The following TEX30 variants were observed in gnomAD, a reference collection of about 807,000 sequenced individuals.
TEX30 encodes testis-expressed protein 30.
In TEX30, 14 loss-of-function variants were observed where a neutral mutation model predicts 23.8. That is an observed-to-expected ratio of 0.59 (90% CI 0.39 to 0.92). The LOEUF is 0.92. TEX30 is among the 40% of genes least tolerant of loss of function. TEX30 has a pLI of 0.00. For missense variants in TEX30, 246 were observed against 270.6 expected (o/e 0.91, Z 0.64); for synonymous variants, 78 against 90.2 (o/e 0.87, Z 0.76).
At chr13:102,772,851 C>T (rs942568140) in intron 1 of TEX30, among the ~76,000 whole-genome samples, 10 of 152,226 alleles carry the variant, frequency 6.6e-5, no homozygotes, top group African/African-American at 2.2e-4. Context: ...AGGCGTGAGC[C>T]ACCGTGCCAG....
chr13:102,771,726 T>C (rs1281760337), intron 1 of TEX30, among the ~76,000 whole-genome samples: 1 of 152,212 alleles, frequency 6.6e-6, no homozygotes, highest in Admixed American at 6.5e-5. Context: ...TTTTACTTTC[T>C]CAAGAGAATA....
At chr13:102,767,164 A>T in intron 5 of TEX30, 109 bp downstream of exon 5, 1 of 1,103,350 alleles carries the variant, frequency 9.1e-7, no homozygotes, top group Non-Finnish European at 1.3e-6. Context: ...AACTAGCATT[A>T]GTCAAATTAG....
chr13:102,772,414 T>C (rs985058939), intron 1 of TEX30, among the ~76,000 whole-genome samples: 46 of 151,928 alleles, frequency 3.0e-4, no homozygotes, highest in Non-Finnish European at 1.0e-4. Flanking sequence ...TCCCAAACCG[T>C]TGGGATCCCA....
At chr13:102,771,463 C>T (rs1056773518) in intron 1 of TEX30, among the ~76,000 whole-genome samples, 7 of 152,170 alleles carry the variant, frequency 4.6e-5, no homozygotes, top group African/African-American at 1.7e-4. Flanking sequence ...ACACACTCTT[C>T]CCCCAACCAC....
chr13:102,772,755 C>T (rs207474334), intron 1 of TEX30, among the ~76,000 whole-genome samples: 1 of 152,130 alleles, frequency 6.6e-6, no homozygotes, highest in Non-Finnish European at 1.5e-5. Flanking sequence ...TTAGTAGAGA[C>T]GGGGTTTCAC....
chr13:102,773,702 G>C lies in TEX30; in HGVS notation c.-81C>G, dbSNP rs944964072. The C allele has an allele frequency of 6.6e-6, 1 of 152,174 alleles. No homozygotes were observed. The highest frequency in any genetic ancestry group is 6.5e-5 in the Admixed American group (1 of 15,288). 9.4% of individuals were successfully genotyped at this position (152,174 alleles called of 1,614,324 possible). On this transcript the variant is annotated 5_prime_UTR_variant, in exon 1 of 6. Coordinates refer to ENST00000376032, the MANE Select transcript of TEX30 (RefSeq NM_138779.5). ...CTTACCCGGGAAGGCAAAAGTGGCC[G>C]CGGGCACCCAACCGCCGTCACTCCC...
Position 102,769,947 on chromosome 13 carries a change from C to G in TEX30, c.15+65G>C, listed in dbSNP as rs74112410. 2,698 of 1,314,990 alleles carry G rather than the reference C, an allele frequency of 2.1e-3. 43 individuals are homozygous for G. In the African/African-American group the frequency reaches 0.034, roughly 17 times the overall value. The allele number at this position is 1,314,990 out of a possible 1,614,324, so 81.5% of individuals were successfully genotyped here. A position where few individuals can be genotyped will look rare whatever the true frequency, so the allele number is the denominator to read the frequency against. On this transcript the variant is annotated intron_variant, in intron 2 of 5. Transcript: ENST00000376032. ...AGTTGAAAATAAAATTACTCTGAAGCCACATAATTACAAACAAACAAAAAA... is the reference window on the plus strand; with the variant it reads ...AGTTGAAAATAAAATTACTCTGAAGGCACATAATTACAAACAAACAAAAAA...
chr13:102,769,035 T>G (rs1877106866), intron 3 of TEX30, among the ~76,000 whole-genome samples: 1 of 152,178 alleles, frequency 6.6e-6, no homozygotes, highest in South Asian at 2.1e-4. Flanking sequence ...CAAAATGATG[T>G]GCTAAAGTTA....
At chr13:102,768,377 T>C in intron 3 of TEX30, 66 bp from the exon 4 acceptor site, 1 of 1,131,956 alleles carries the variant, frequency 8.8e-7, no homozygotes, top group South Asian at 1.4e-5. Flanking sequence ...GCAAGATATA[T>C]TGTTTCTCAT....
intron 2 of TEX30, chr13:102,769,802 ACAG>A: frequency 1.9e-6 from 1 of 526,340 alleles, no homozygotes; most frequent in East Asian, 3.2e-5. Flanking sequence ...TAGATAAGGC[ACAG>A]CAGATTAAGT....
chr13:102,767,497 A>G lies in TEX30; in HGVS notation c.299-19T>C, dbSNP rs756293224. On this transcript the variant is annotated intron_variant, in intron 4 of 5. Transcript: ENST00000376032. Reference sequence around the variant, plus strand: ...GAACGACCTAAAATCAATTAAAATTAAGTTCAGTTTGAAATATAAACTTTC... The same window carrying G: ...GAACGACCTAAAATCAATTAAAATTGAGTTCAGTTTGAAATATAAACTTTC... The G allele has an allele frequency of 6.2e-7, 1 of 1,611,356 alleles. No individual in the cohort carries two copies. The highest frequency in any genetic ancestry group is 1.3e-5 in the African/African-American group (1 of 74,896).
chr13:102,767,233 C>T, intron 5 of TEX30, 40 bp downstream of exon 5: 3 of 1,585,820 alleles, frequency 1.9e-6, no homozygotes, highest in Non-Finnish European at 2.6e-6. Context: ...GTCTGCCTTT[C>T]ATTCTCTTTC....
chr13:102,767,896 G>C, intron 4 of TEX30, among the ~76,000 whole-genome samples: 1 of 151,992 alleles, frequency 6.6e-6, no homozygotes, highest in East Asian at 1.9e-4. Flanking sequence ...CTGGGTGACA[G>C]AGCAAGACTC....
Position 102,769,552 on chromosome 13 carries a change from A to G in TEX30, c.16-11T>C. The stretch of plus-strand genomic sequence containing the variant: ...TATTTTTAATTTAACCTGGAATTCA[A>G]GAGAATAAAGGGATCAAAAATTACT... On this transcript the variant is annotated splice_polypyrimidine_tract_variant and intron_variant, in intron 2 of 5. Transcript: ENST00000376032. 1 of 1,519,100 alleles carries G rather than the reference A, an allele frequency of 6.6e-7. No homozygotes were observed. Among genetic ancestry groups the G allele is most frequent in the Non-Finnish European group, 9.0e-7 (1 of 1,111,824 alleles). The allele number at this position is 1,519,100 out of a possible 1,614,324, so 94.1% of individuals were successfully genotyped here.
chr13:102,769,945 A>G, intron 2 of TEX30, 67 bp downstream of exon 2: 1 of 1,306,422 alleles, frequency 7.7e-7, no homozygotes, highest in South Asian at 2.0e-5. Flanking sequence ...ATTACTCTGA[A>G]GCCACATAAT....
Position 102,769,476 on chromosome 13 carries a change from G to C in TEX30, c.81C>G (p.Ser27Arg), listed in dbSNP as rs747386728. The stretch of plus-strand genomic sequence containing the variant: ...GTGTAAGAATTATTCCATATGTTAA[G>C]CTCTTGTTAGGTACCAAACAAACAG... ...LDAVCLVPNKSLTYGIILTHG... is the reference protein window; with the variant it reads ...LDAVCLVPNKRLTYGIILTHG... Residue 27 changes from serine (S) to arginine (R), a missense_variant, in exon 3 of 6, where the codon AGC becomes AGG. Ser to Arg is a moderately radical substitution (Grantham distance 110). Coordinates refer to ENST00000376032, the MANE Select transcript of TEX30 (RefSeq NM_138779.5). 1 of 1,611,286 alleles carries C rather than the reference G, an allele frequency of 6.2e-7. No individual in the cohort carries two copies. The highest frequency in any genetic ancestry group is 8.5e-7 in the Non-Finnish European group (1 of 1,179,136).
At chr13:102,768,120 T>C (rs939703137) in intron 4 of TEX30, 140 bp downstream of exon 4, 8 of 652,836 alleles carry the variant, frequency 1.2e-5, no homozygotes, top group Non-Finnish European at 1.8e-5. Context: ...TAAAGTGCTT[T>C]AACATTAAAA....
intron 5 of TEX30, 85 bp downstream of exon 5, chr13:102,767,188 A>T: frequency 7.2e-7 from 1 of 1,390,282 alleles, no homozygotes; most frequent in Non-Finnish European, 9.9e-7. Context: ...TTTTTAAAAG[A>T]CACTGTTGCC....
intron 1 of TEX30, among the ~76,000 whole-genome samples, chr13:102,771,740 C>T (rs939597798): frequency 4.6e-5 from 7 of 152,218 alleles, no homozygotes; most frequent in Non-Finnish European, 1.0e-4. Context: ...GAGAATAAGC[C>T]TCCATCCAGT....
Sources: allele counts gnomAD v4.1 joint callset (sites outside exome capture counted in the v4.1 genomes callset), GRCh38; gene constraint gnomAD v4.1.1; transcripts MANE v1.5; gene names NCBI Gene and HGNC (gene_info 2026-07-23, HGNC 2026-07-21).